ARMC5: variants seen among roughly 807,000 people sequenced by gnomAD.
ARMC5 encodes armadillo repeat-containing protein 5.
Under a neutral mutation model 60.5 loss-of-function variants are expected in ARMC5, and 28 were observed. The ratio of observed to expected loss-of-function variants is 0.46; its 90% CI spans 0.34 to 0.63. The LOEUF (loss-of-function observed/expected upper bound fraction) is 0.63. Ranked by LOEUF, ARMC5 falls within the 30% of genes least tolerant of loss-of-function variation. The probability of loss-of-function intolerance (pLI) is 0.01; values close to 1 mark genes in which losing one functional copy is unlikely to be tolerated. For synonymous variants in ARMC5, 680 were observed against 607.3 expected, an observed-to-expected ratio of 1.12 and a Z score of -1.76; for missense variants, 1,189 against 1,304.9, an observed-to-expected ratio of 0.91 and a Z score of 1.37.
intron 3 of ARMC5, among the ~76,000 whole-genome samples, chr16:31,463,176 G>T (rs1200740455): frequency 6.6e-6 from 1 of 151,612 alleles, no homozygotes; most frequent in African/African-American, 2.4e-5. Flanking sequence ...TCCACTCACT[G>T]CAACCTCTAC....
At position 31,466,252 on chromosome 16, in the gene ARMC5, T is replaced by C. The variant is rs1361058974; in HGVS notation, c.2171T>C (p.Val724Ala). ...PTVSPAVPQA[V>A]PMDLDSPSPC... ...GTGAGCCCAGCTGTCCCACAGGCAG[T>C]CCCCATGGACCTAGACTCACCTTCC... The change falls in exon 6 of 6, where the codon GTC (valine) becomes GCC (alanine). Residue 724 changes from valine (V) to alanine (A), a missense_variant. By Grantham distance (64) the Val-to-Ala change is moderately conservative. Coordinates refer to ENST00000268314, the MANE Select transcript of ARMC5 (RefSeq NM_001105247.2). This position sits in a 1 kb window ranked among gnomAD's most constrained non-coding sequence, Gnocchi z 8.0. The C allele has an allele frequency of 1.9e-6, 3 of 1,613,768 alleles. No homozygotes were observed. Among genetic ancestry groups the C allele is most frequent in the Non-Finnish European group, 2.5e-6 (3 of 1,179,842 alleles).
rs2082327970 is a variant in ARMC5 at position 31,464,049 on chromosome 16, G to A, written c.1371-345G>A. Among the ~76,000 whole-genome samples, 2 of 152,096 alleles carry A rather than the reference G, an allele frequency of 1.3e-5. No homozygotes were observed. The highest frequency in any genetic ancestry group is 2.1e-4 in the South Asian group (1 of 4,830). On this transcript the variant is annotated intron_variant, in intron 3 of 5. Transcript: ENST00000268314. This position sits in a 1 kb window ranked among gnomAD's most constrained non-coding sequence, Gnocchi z 7.6. The stretch of plus-strand genomic sequence containing the variant: ...CTCACGCCTGTAATCCTAGCACCTT[G>A]GGAGGCCAAGGCAGGAGGATCGCTT...
chr16:31,462,471 G>A lies in ARMC5; in HGVS notation c.924G>A (p.Leu308=), dbSNP rs2142569009. ...REGTILILAN[L]CAQGLIRPAL... ...GAACCATTCTGATCCTCGCCAACCT[G>A]TGTGCCCAGGGCCTGATTCGGCCTG... Residue 308 remains leucine (L), a synonymous_variant, in exon 3 of 6, where the codon CTG becomes CTA. Transcript: ENST00000268314. This position sits in a 1 kb window ranked among gnomAD's most constrained non-coding sequence, Gnocchi z 7.2. The A allele has an allele frequency of 6.2e-7, 1 of 1,612,456 alleles. No homozygotes were observed. The highest frequency in any genetic ancestry group is 8.5e-7 in the Non-Finnish European group (1 of 1,179,712).
Position 31,464,584 on chromosome 16 carries a change from C to G in ARMC5, c.1561C>G (p.Arg521Gly). 1 of 1,583,938 alleles carries G rather than the reference C, an allele frequency of 6.3e-7. No homozygotes were observed. Among genetic ancestry groups the G allele is most frequent in the Non-Finnish European group, 8.6e-7 (1 of 1,169,468 alleles). ...CGCCGCCATCGAGGAGCCTTGGGGACGCGAAGGGCCAGCCCTGCTGCTGCT... is the reference window on the plus strand; with the variant it reads ...CGCCGCCATCGAGGAGCCTTGGGGAGGCGAAGGGCCAGCCCTGCTGCTGCT... ...PAAAIEEPWG[R>G]EGPALLLLSR... The change falls in exon 4 of 6, where the codon CGC (arginine) becomes GGC (glycine). Residue 521 changes from arginine (R) to glycine (G), a missense_variant. By Grantham distance (125) the Arg-to-Gly change is moderately radical. Transcript: ENST00000268314. The surrounding 1 kb of genome is among the most constrained non-coding windows in gnomAD (Gnocchi z 7.6).
Position 31,464,594 on chromosome 16 carries a change from C to T in ARMC5, c.1571C>T (p.Pro524Leu). ...AIEEPWGREG[P>L]ALLLLSRFSQ... ...GAGGAGCCTTGGGGACGCGAAGGGCCAGCCCTGCTGCTGCTGTCGCGCTTT... is the reference window on the plus strand; with the variant it reads ...GAGGAGCCTTGGGGACGCGAAGGGCTAGCCCTGCTGCTGCTGTCGCGCTTT... Residue 524 changes from proline (P) to leucine (L), a missense_variant, in exon 4 of 6, where the codon CCA (proline) becomes CTA (leucine). Pro to Leu is a moderately conservative substitution (Grantham distance 98, BLOSUM62 -3). Transcript: ENST00000268314. The surrounding 1 kb of genome is among the most constrained non-coding windows in gnomAD (Gnocchi z 7.6). 2 of 1,588,038 alleles carry T rather than the reference C, an allele frequency of 1.3e-6. No individual in the cohort carries two copies. Among genetic ancestry groups the T allele is most frequent in the South Asian group, 1.1e-5 (1 of 89,148 alleles).
chr16:31,465,626 G>A (rs1472347682), intron 4 of ARMC5: 45 of 1,398,834 alleles, frequency 3.2e-5, no homozygotes, highest in Middle Eastern at 2.6e-4. Context: ...GTGGCTTGCC[G>A]CCCACACTTC....
chr16:31,466,288 A>G lies in ARMC5; in HGVS notation c.2207A>G (p.Tyr736Cys), dbSNP rs1036208783. The change falls in exon 6 of 6, where the codon TAT (tyrosine) becomes TGT (cysteine). Residue 736 changes from tyrosine (Y) to cysteine (C), a missense_variant. By Grantham distance (194) the Tyr-to-Cys change is radical (BLOSUM62 -2). This residue lies in a region of ARMC5 where 862 missense variants were observed against 1,071.2 expected (regional missense o/e 0.80). Transcript: ENST00000268314. This position sits in a 1 kb window ranked among gnomAD's most constrained non-coding sequence, Gnocchi z 8.0. ...MDLDSPSPCL[Y>C]EPLLGPAPVP... The stretch of plus-strand genomic sequence containing the variant: ...CTAGACTCACCTTCCCCTTGCCTCT[A>G]TGAACCTCTGCTGGGCCCAGCCCCT... 5 of 1,613,664 alleles carry G rather than the reference A, an allele frequency of 3.1e-6. No homozygotes were observed. Among genetic ancestry groups the G allele is most frequent in the Non-Finnish European group, 4.2e-6 (5 of 1,179,818 alleles).
upstream of ARMC5, chr16:31,458,459 G>C: frequency 1.3e-6 from 2 of 1,535,746 alleles, no homozygotes; most frequent in South Asian, 1.2e-5. Context: ...TGCTTAACCA[G>C]ATCAGAGCCA....
At chr16:31,461,890 A>G in intron 1 of ARMC5, 32 bp from the exon 2 acceptor site, 2 of 1,583,310 alleles carry the variant, frequency 1.3e-6, no homozygotes, top group Non-Finnish European at 1.7e-6. Flanking sequence ...AGTAAGGGGT[A>G]GAACCCTCAC....
chr16:31,465,342 C>T, intron 4 of ARMC5: 4 of 1,404,344 alleles, frequency 2.8e-6, no homozygotes, highest in Non-Finnish European at 3.7e-6. Flanking sequence ...CTTCTGCTGG[C>T]CCTGTCCGGG....
Position 31,466,904 on chromosome 16 carries a change from C to T in ARMC5, c.*15C>T. The T allele has an allele frequency of 6.6e-7, 1 of 1,506,764 alleles. No homozygotes were observed. Among genetic ancestry groups the T allele is most frequent in the South Asian group, 1.4e-5 (1 of 73,538 alleles). 93.3% of individuals were successfully genotyped at this position (1,506,764 alleles called of 1,614,324 possible). ...TCCCTGCCTAGACTGTTGACGTCCC[C>T]TGGGAAGGGGACCCAAGGATGAATT... On this transcript the variant is annotated 3_prime_UTR_variant, in exon 6 of 6. Transcript: ENST00000268314. This position sits in a 1 kb window ranked among gnomAD's most constrained non-coding sequence, Gnocchi z 8.0.
At chr16:31,458,508 C>G (rs949140073), upstream of ARMC5, 2 of 1,535,606 alleles carry the variant, frequency 1.3e-6, no homozygotes, top group Non-Finnish European at 1.7e-6. Flanking sequence ...AACGGTAAGG[C>G]TTGTCACCAG....
rs773795693 is a variant in ARMC5, at chr16:31,459,872, G to T, written c.348G>T (p.Ser116=). The T allele has an allele frequency of 1.6e-5, 25 of 1,603,936 alleles. No individual in the cohort carries two copies. The African/African-American group carries it at 2.4e-4, about 15-fold the overall frequency. Residue 116 remains serine (S), a synonymous_variant, in exon 1 of 6, where the codon TCG becomes TCT. Coordinates refer to ENST00000268314, the MANE Select transcript of ARMC5 (RefSeq NM_001105247.2). ...ASGPAPSAVS[S]SSPTPPVRLR... ...GCCCCGCCCCCTCCGCTGTGTCGTC[G>T]TCTAGTCCTACGCCGCCAGTGCGCC...
Position 31,466,323 on chromosome 16 carries a change from C to G in ARMC5, c.2242C>G (p.Pro748Ala). The G allele has an allele frequency of 6.2e-7, 1 of 1,613,790 alleles. No individual in the cohort carries two copies. Among genetic ancestry groups the G allele is most frequent in the African/African-American group, 1.3e-5 (1 of 75,058 alleles). ...PLLGPAPVPA[P>A]DLHFLLDSGL... ...GCTGGGCCCAGCCCCTGTCCCAGCT[C>G]CCGACCTGCACTTCCTGCTGGACTC... Residue 748 changes from proline (P) to alanine (A), a missense_variant, in exon 6 of 6, where the codon CCC becomes GCC. Physicochemically the swap from Pro to Ala is conservative, Grantham distance 27. Around this residue, in one of 2 missense-constraint regions of ARMC5, gnomAD observed 862 missense variants for 1,071.2 expected, o/e 0.80. Coordinates refer to ENST00000268314, the MANE Select transcript of ARMC5 (RefSeq NM_001105247.2). The surrounding 1 kb of genome is among the most constrained non-coding windows in gnomAD (Gnocchi z 8.0).
At chr16:31,459,106 G>C, upstream of ARMC5, 1 of 1,480,886 alleles carries the variant, frequency 6.8e-7, no homozygotes, top group Non-Finnish European at 8.9e-7. Context: ...ACCACCGCTG[G>C]GGGGCAGCGA....
In ARMC5 at chr16:31,465,841, C is replaced by T. The variant is rs1042519411; in HGVS notation, c.1865-9C>T. 1 of 1,608,412 alleles carries T rather than the reference C, an allele frequency of 6.2e-7. No homozygotes were observed. The highest frequency in any genetic ancestry group is 8.5e-7 in the Non-Finnish European group (1 of 1,179,856). On this transcript the variant is annotated splice_polypyrimidine_tract_variant and intron_variant, in intron 4 of 5. Transcript: ENST00000268314. ...CCAGTTCCCAGCCTGACAAGCTTTC[C>T]ACTCACAGGGGAGAGGCTACTGCAG...
In ARMC5 at chr16:31,464,612, C is replaced by T. The variant is rs1411986570; in HGVS notation, c.1589C>T (p.Ser530Leu). The change falls in exon 4 of 6, where the codon TCG (serine) becomes TTG (leucine). Residue 530 changes from serine (S) to leucine (L), a missense_variant. Physicochemically the swap from Ser to Leu is moderately radical, Grantham distance 145. Coordinates refer to ENST00000268314, the MANE Select transcript of ARMC5 (RefSeq NM_001105247.2). This position sits in a 1 kb window ranked among gnomAD's most constrained non-coding sequence, Gnocchi z 7.6. ...GAAGGGCCAGCCCTGCTGCTGCTGT[C>T]GCGCTTTTCCCAGGCCCCTGACCCA... Reference protein sequence around the residue: ...GREGPALLLLSRFSQAPDPSG... With the variant: ...GREGPALLLLLRFSQAPDPSG... 6 of 1,593,308 alleles carry T rather than the reference C, an allele frequency of 3.8e-6. No homozygotes were observed. Among genetic ancestry groups the T allele is most frequent in the Admixed American group, 1.7e-5 (1 of 58,844 alleles).
In ARMC5 at chr16:31,462,787, C is replaced by T. The variant is rs1426823157; in HGVS notation, c.1240C>T (p.Pro414Ser). 1 of 1,613,926 alleles carries T rather than the reference C, an allele frequency of 6.2e-7. No individual in the cohort carries two copies. Among genetic ancestry groups the T allele is most frequent in the Non-Finnish European group, 8.5e-7 (1 of 1,179,998 alleles). The change falls in exon 3 of 6, where the codon CCT (proline) becomes TCT (serine). Residue 414 changes from proline to serine, a missense_variant. Physicochemically the swap from Pro to Ser is moderately conservative, Grantham distance 74. Transcript: ENST00000268314. This position sits in a 1 kb window ranked among gnomAD's most constrained non-coding sequence, Gnocchi z 7.2. ...LGRLQALGLVPLLAGQLCGEA... is the reference protein window; with the variant it reads ...LGRLQALGLVSLLAGQLCGEA... ...CCGGCTGCAGGCTCTGGGACTTGTGCCTCTCCTGGCTGGGCAGCTGTGTGG... is the reference window on the plus strand; with the variant it reads ...CCGGCTGCAGGCTCTGGGACTTGTGTCTCTCCTGGCTGGGCAGCTGTGTGG...
In ARMC5 at chr16:31,466,673, T is replaced by G; in HGVS notation, c.2592T>G (p.Gly864=). 4.4e-6 allele frequency: 7 copies of G among 1,576,064 alleles called. No homozygotes were observed. The highest frequency in any genetic ancestry group is 6.0e-6 in the Non-Finnish European group (7 of 1,161,386). ...AVGRIHLGPQ[G]GPESVGEVFR... ...GCCGCATCCACCTGGGACCCCAGGG[T>G]GGCCCGGAGTCAGTGGGTGAGGTGT... The change falls in exon 6 of 6, where the codon GGT becomes GGG. Residue 864 remains glycine, a synonymous_variant. Coordinates refer to ENST00000268314, the MANE Select transcript of ARMC5 (RefSeq NM_001105247.2). The surrounding 1 kb of genome is among the most constrained non-coding windows in gnomAD (Gnocchi z 8.0).
Sources: allele counts gnomAD v4.1 joint callset (sites outside exome capture counted in the v4.1 genomes callset), GRCh38; gene constraint gnomAD v4.1.1; regional missense constraint gnomAD v4.1.1; non-coding constraint Gnocchi (gnomAD v3.1); transcripts MANE v1.5; gene names NCBI Gene and HGNC (gene_info 2026-07-23, HGNC 2026-07-21).